FBXO38: variants seen among roughly 807,000 people sequenced by gnomAD.
FBXO38 encodes F-box protein 38, also known as F-box only protein 38.
Under a neutral mutation model 131.9 loss-of-function variants are expected in FBXO38, and 53 were observed. The observed-to-expected ratio is 0.40, with a 90% CI of 0.32 to 0.51. FBXO38 has a LOEUF of 0.51. Ranked by LOEUF, FBXO38 falls within the 20% of genes least tolerant of loss-of-function variation. The pLI, the probability that FBXO38 is intolerant of heterozygous loss-of-function variation, is 0.53. For missense variants in FBXO38, 1,076 were observed against 1,475.6 expected (o/e 0.73, Z 4.44); for synonymous variants, 452 against 505.6 (o/e 0.89, Z 1.42).
intron 18 of FBXO38, 107 bp from the exon 19 acceptor site, chr5:148,439,540 A>C: frequency 9.7e-7 from 1 of 1,033,460 alleles, no homozygotes; most frequent in Non-Finnish European, 1.4e-6. Flanking sequence ...CAAATCAGCC[A>C]GAGATTTCAA....
chr5:148,404,562 C>T (rs760576813), intron 5 of FBXO38, 123 bp from the exon 6 acceptor site: 57 of 797,088 alleles, frequency 7.2e-5, no homozygotes, highest in Admixed American at 1.2e-4. Context: ...ATAATTTGTT[C>T]GGATAAAAAT....
intron 2 of FBXO38, among the ~76,000 whole-genome samples, chr5:148,395,861 C>A (rs1758453056): frequency 6.6e-6 from 1 of 151,658 alleles, no homozygotes. Context: ...AGATAGTTTT[C>A]AGTTTTTCTG....
At chr5:148,407,820 G>A (rs375152961) in intron 7 of FBXO38, among the ~76,000 whole-genome samples, 1 of 152,050 alleles carries the variant, frequency 6.6e-6, no homozygotes, top group Non-Finnish European at 1.5e-5. Context: ...AGCTACTCGG[G>A]AGGCTGAGGC....
chr5:148,400,421 C>T (rs1298556860), intron 3 of FBXO38, among the ~76,000 whole-genome samples: 1 of 152,108 alleles, frequency 6.6e-6, no homozygotes, highest in Non-Finnish European at 1.5e-5. Flanking sequence ...TATAGTCTTA[C>T]CATTAACATC....
chr5:148,427,104 G>C, intron 14 of FBXO38, 109 bp from the exon 15 acceptor site: 1 of 1,256,416 alleles, frequency 8.0e-7, no homozygotes, highest in Non-Finnish European at 1.1e-6. Context: ...AGGAAAATTA[G>C]TGTTTAGTAT....
intron 2 of FBXO38, among the ~76,000 whole-genome samples, chr5:148,398,134 CA>C: frequency 6.6e-6 from 1 of 151,988 alleles, no homozygotes. Context: ...AGTTGTATGC[CA>C]AACAGGAACC....
intron 15 of FBXO38, 71 bp downstream of exon 15, chr5:148,428,018 T>C (rs1219517768): frequency 7.2e-7 from 1 of 1,398,520 alleles, no homozygotes; most frequent in African/African-American, 1.4e-5. Flanking sequence ...GTTTCATGAG[T>C]TTTCTTACAA....
At position 148,433,673 on chromosome 5, in the gene FBXO38, T is replaced by C; in HGVS notation, c.2793T>C (p.Thr931=). 6.2e-7 allele frequency: 1 copy of C among 1,611,196 alleles called. No individual in the cohort carries two copies. The highest frequency in any genetic ancestry group is 2.2e-5 in the East Asian group (1 of 44,840). ...AATCCAAGAATCTTGTTGGAGTCAC[T>C]ATGACCAATTGTGGAATCACAGATC... ...VLKSKNLVGV[T]MTNCGITDLV... is the part of the protein sequence containing the mutation. The change falls in exon 17 of 22, where the codon ACT becomes ACC. Residue 931 remains threonine, a synonymous_variant. Transcript: ENST00000340253.
At chr5:148,433,262 G>C (rs1754138580) in intron 15 of FBXO38, 162 bp from the exon 16 acceptor site, 1 of 580,294 alleles carries the variant, frequency 1.7e-6, no homozygotes, top group South Asian at 2.1e-5. Context: ...ATCCTGTTTT[G>C]AAACAATCCA....
chr5:148,416,154 T>C (rs1581259470), intron 11 of FBXO38, 84 bp downstream of exon 11: 61 of 1,329,734 alleles, frequency 4.6e-5, no homozygotes, highest in East Asian at 2.4e-4. Context: ...TTTTTTCTTT[T>C]CAATGATATG....
intron 20 of FBXO38, 133 bp downstream of exon 20, chr5:148,440,660 C>T: frequency 1.7e-6 from 1 of 580,038 alleles, no homozygotes; most frequent in Non-Finnish European, 3.1e-6. Context: ...GGAAACAAAA[C>T]CTGGCCCTTT....
rs1425307676 is a variant in FBXO38, at chr5:148,427,523, A to G, written c.2229A>G (p.Glu743=). The G allele has an allele frequency of 6.2e-7, 1 of 1,614,044 alleles. No individual in the cohort carries two copies. The highest frequency in any genetic ancestry group is 8.5e-7 in the Non-Finnish European group (1 of 1,180,018). ...GCTCTTCCGAGCCTAGCCCTACAGA[A>G]GTGGATGTGTCCAGGCAGTGTGCCT... ...SGGSSEPSPT[E]VDVSRQCACS... The change falls in exon 15 of 22, where the codon GAA becomes GAG. Residue 743 remains glutamate, a synonymous_variant. Transcript: ENST00000340253.
chr5:148,384,561 G>A (rs1757812195), intron 1 of FBXO38, among the ~76,000 whole-genome samples: 1 of 152,180 alleles, frequency 6.6e-6, no homozygotes, highest in Non-Finnish European at 1.5e-5. Context: ...GTGTGACCTT[G>A]TCTAGGTCCA....
chr5:148,411,562 C>G (rs1487991277), intron 9 of FBXO38, among the ~76,000 whole-genome samples: 3 of 152,082 alleles, frequency 2.0e-5, no homozygotes. Flanking sequence ...CCATTCAGGA[C>G]AATCCAGCTC....
chr5:148,414,909 A>C (rs1752964523), intron 10 of FBXO38, among the ~76,000 whole-genome samples: 1 of 152,126 alleles, frequency 6.6e-6, no homozygotes, highest in African/African-American at 2.4e-5. Flanking sequence ...CAAACCATTA[A>C]ATAAATTGAG....
Position 148,402,128 on chromosome 5 carries a change from G to A in FBXO38, c.409G>A (p.Ala137Thr), listed in dbSNP as rs749305250. 14 of 1,611,218 alleles carry A rather than the reference G, an allele frequency of 8.7e-6. No homozygotes were observed. Among genetic ancestry groups the A allele is most frequent in the Admixed American group, 1.7e-5 (1 of 59,844 alleles). The change falls in exon 4 of 22, where the codon GCA becomes ACA. Residue 137 changes from alanine (A) to threonine (T), a missense_variant. Transcript: ENST00000340253. ...SIPGVLEALQ[A>T]CPNLVGVETS... is the part of the protein sequence containing the mutation. The stretch of plus-strand genomic sequence containing the variant: ...TCCAGGAGTCCTAGAAGCTTTGCAG[G>A]CATGCCCAAACTTAGTGGTGAGTGC...
intron 9 of FBXO38, among the ~76,000 whole-genome samples, chr5:148,412,766 G>A (rs1561527870): frequency 6.6e-6 from 1 of 152,022 alleles, no homozygotes; most frequent in Non-Finnish European, 1.5e-5. Flanking sequence ...GGGTAGCTCT[G>A]AGGAACCAAG....
Position 148,388,278 on chromosome 5 carries a change from A to G in FBXO38, c.-64+4239A>G, listed in dbSNP as rs541154300. On this transcript the variant is annotated intron_variant, in intron 1 of 21. Coordinates refer to ENST00000340253, the MANE Select transcript of FBXO38 (RefSeq NM_205836.3). ...GTTGTTCCTTTTATAGAGCACAGGC[A>G]GAGTAGATTTAGCATCATTCTGAAG... Among the ~76,000 whole-genome samples, 189 of 152,312 alleles carry G rather than the reference A, an allele frequency of 1.2e-3. 1 individual carries two copies. Among genetic ancestry groups the G allele is most frequent in the African/African-American group, 4.0e-3 (167 of 41,572 alleles).
At chr5:148,420,924 T>C (rs1442136115) in intron 12 of FBXO38, among the ~76,000 whole-genome samples, 1 of 151,990 alleles carries the variant, frequency 6.6e-6, no homozygotes, top group Non-Finnish European at 1.5e-5. Flanking sequence ...CCCAAAATGC[T>C]GGGATTACAG....
Sources: gnomAD v4.1 joint callset for allele counts (sites outside exome capture counted in the v4.1 genomes callset) on GRCh38, gnomAD v4.1.1 for gene constraint, MANE v1.5 for transcripts, NCBI Gene and HGNC (gene_info 2026-07-23, HGNC 2026-07-21) for gene names.